DPY19L4: variants seen among roughly 807,000 people sequenced by gnomAD.
The protein encoded by DPY19L4 is probable C-mannosyltransferase DPY19L4.
Under a neutral mutation model 102.8 loss-of-function variants are expected in DPY19L4, and 97 were observed. The observed-to-expected ratio is 0.94, with a 90% confidence interval of 0.80 to 1.12. The LOEUF is 1.12. Among genes scored for constraint, DPY19L4 ranks in the 50% most tolerant of loss-of-function variants. The probability of loss-of-function intolerance (pLI) is 0.00; values close to 1 mark genes in which losing one functional copy is unlikely to be tolerated. For missense variants in DPY19L4, 815 were observed against 850.4 expected (o/e 0.96, Z 0.52); for synonymous variants, 252 against 283.1 (o/e 0.89, Z 1.10).
chr8:94,726,367 A>T lies in DPY19L4; in HGVS notation c.53A>T (p.Lys18Met). The T allele has an allele frequency of 6.2e-7, 1 of 1,612,030 alleles. No homozygotes were observed. ...PVELRQRKKPKSSENKESAKE... is the reference protein window; with the variant it reads ...PVELRQRKKPMSSENKESAKE... ...GAGCTGCGCCAAAGAAAAAAGCCAA[A>T]GTCTTCAGAAAATAAGGAATCTGCC... The change falls in exon 2 of 19, where the codon AAG (lysine) becomes ATG (methionine). Residue 18 changes from lysine (K) to methionine (M), a missense_variant. Transcript: ENST00000414645.
intron 17 of DPY19L4, among the ~76,000 whole-genome samples, chr8:94,787,639 A>G (rs73697033): frequency 0.034 from 5,237 of 152,212 alleles, 300 homozygotes; most frequent in African/African-American, 0.12. Context: ...TTATTATCTA[A>G]TAAGATCCAG....
At chr8:94,748,653 TGAC>T (rs1434810493) in intron 6 of DPY19L4, among the ~76,000 whole-genome samples, 1 of 152,100 alleles carries the variant, frequency 6.6e-6, no homozygotes, top group African/African-American at 2.4e-5. Context: ...ATGATGATGA[TGAC>T]AACTGCAGAT....
chr8:94,788,216 A>AT lies in DPY19L4; in HGVS notation c.2007+170dup, dbSNP rs201726947. Among the ~76,000 whole-genome samples the AT allele has an allele frequency of 8.5e-3, 1,291 of 151,914 alleles. 15 individuals are homozygous for AT. The highest frequency in any genetic ancestry group is 0.03 in the African/African-American group (1,224 of 41,466). ...AAGCTTCTTAAAAGTAGTTTGGAGTATTTTTTCAACATACAAAAGAAAATC... is the reference window on the plus strand; with the variant it reads ...AAGCTTCTTAAAAGTAGTTTGGAGTATTTTTTTCAACATACAAAAGAAAATC... On this transcript the variant is annotated intron_variant, in intron 18 of 18. Coordinates refer to ENST00000414645, the MANE Select transcript of DPY19L4 (RefSeq NM_181787.3).
intron 1 of DPY19L4, among the ~76,000 whole-genome samples, chr8:94,722,147 C>T (rs1810490153): frequency 6.7e-6 from 1 of 149,100 alleles, no homozygotes. Flanking sequence ...GTGGCTCACG[C>T]CTGTAATCCT....
At position 94,765,327 on chromosome 8, in the gene DPY19L4, A is replaced by G. The variant is rs7834433; in HGVS notation, c.1002+13A>G. The G allele has an allele frequency of 0.039, 61,367 of 1,584,248 alleles. 1,408 individuals carry two copies. Among genetic ancestry groups the G allele is most frequent in the African/African-American group, 0.067 (4,875 of 72,494 alleles). On this transcript the variant is annotated intron_variant, in intron 9 of 18. Transcript: ENST00000414645. ...TAAGTGCCTTCAGGTAACTAGAATT[A>G]TCTTTTTATTGTTCTTATTTTGATT...
At chr8:94,765,930 TAAAC>T (rs893677133) in intron 10 of DPY19L4, 121 bp downstream of exon 10, 18 of 606,894 alleles carry the variant, frequency 3.0e-5, no homozygotes, top group Non-Finnish European at 4.7e-5. Flanking sequence ...AATTTTGAGT[TAAAC>T]AACAATCATA....
intron 6 of DPY19L4, among the ~76,000 whole-genome samples, chr8:94,754,499 C>G (rs1050507536): frequency 4.6e-5 from 7 of 152,050 alleles, no homozygotes; most frequent in Non-Finnish European, 1.0e-4. Flanking sequence ...ACTCTGATAC[C>G]AGTATTCAGG....
intron 18 of DPY19L4, among the ~76,000 whole-genome samples, chr8:94,789,300 T>A (rs149862651): frequency 9.7e-4 from 148 of 152,324 alleles, no homozygotes; most frequent in Non-Finnish European, 1.7e-3. Flanking sequence ...CTAAGCTATC[T>A]TAGTGAACAT....
rs143206261 is a variant in DPY19L4, at chr8:94,759,335, C to T, written c.736-2365C>T. On this transcript the variant is annotated intron_variant, in intron 7 of 18. Coordinates refer to ENST00000414645, the MANE Select transcript of DPY19L4 (RefSeq NM_181787.3). ...CTGCTGATTGGTGCATTTTACAGAG[C>T]GCTGATTGGTGCATATTACAGAGCA... 7.9e-5 allele frequency among the ~76,000 whole-genome samples: 12 copies of T among 151,960 alleles called. No homozygotes were observed. The East Asian group carries it at 1.7e-3, about 22-fold the overall frequency.
intron 6 of DPY19L4, 151 bp from the exon 7 acceptor site, chr8:94,755,885 A>C: frequency 3.0e-6 from 1 of 328,672 alleles, no homozygotes; most frequent in Non-Finnish European, 4.9e-6. Context: ...ACTCCATCTC[A>C]AAAAAAAAAA....
chr8:94,741,783 G>A (rs1019426735), intron 6 of DPY19L4, among the ~76,000 whole-genome samples: 2 of 152,180 alleles, frequency 1.3e-5, no homozygotes, highest in African/African-American at 4.8e-5. Flanking sequence ...ATCTTTGAAA[G>A]CTTTCTTGTT....
At chr8:94,777,052 A>G (rs1182116906) in intron 13 of DPY19L4, among the ~76,000 whole-genome samples, 2 of 150,696 alleles carry the variant, frequency 1.3e-5, no homozygotes, top group East Asian at 1.9e-4. Flanking sequence ...GGCATTGTCT[A>G]TCTTAGAGTT....
intron 6 of DPY19L4, among the ~76,000 whole-genome samples, chr8:94,749,915 CAA>C (rs1385165662): frequency 6.6e-6 from 1 of 152,166 alleles, no homozygotes; most frequent in African/African-American, 2.4e-5. Flanking sequence ...TGAGCTTAAA[CAA>C]TGAAATCAAT....
At chr8:94,789,125 C>G (rs1813784418) in intron 18 of DPY19L4, among the ~76,000 whole-genome samples, 1 of 152,174 alleles carries the variant, frequency 6.6e-6, no homozygotes, top group South Asian at 2.1e-4. Flanking sequence ...CTATTCTGCT[C>G]TGATACCCAC....
At chr8:94,725,722 G>A (rs1251233024) in intron 1 of DPY19L4, among the ~76,000 whole-genome samples, 3 of 152,092 alleles carry the variant, frequency 2.0e-5, no homozygotes, top group Admixed American at 1.3e-4. Flanking sequence ...TGCAAGCTCC[G>A]CCTTCTGGGT....
In DPY19L4 at chr8:94,783,761, C is replaced by T. The variant is rs1336900627; in HGVS notation, c.1807C>T (p.Pro603Ser). Residue 603 changes from proline (P) to serine (S), a missense_variant, in exon 17 of 19, where the codon CCT becomes TCT. Coordinates refer to ENST00000414645, the MANE Select transcript of DPY19L4 (RefSeq NM_181787.3). ...CACTGGATGGATGGTGACAAGTTTGCCTCTTTACAATGATGATGATCTTCT... is the reference window on the plus strand; with the variant it reads ...CACTGGATGGATGGTGACAAGTTTGTCTCTTTACAATGATGATGATCTTCT... ...LCTGWMVTSL[P>S]LYNDDDLLKR... 5 of 1,614,022 alleles carry T rather than the reference C, an allele frequency of 3.1e-6. No homozygotes were observed. The highest frequency in any genetic ancestry group is 1.7e-5 in the Admixed American group (1 of 60,000).
rs1365255202 is a variant in DPY19L4, at chr8:94,734,663, T to C, written c.161T>C (p.Ile54Thr). ...VLFQRFAKIF[I>T]GCLAAVTSGM... ...TTTCAACGCTTTGCAAAGATTTTCA[T>C]TGGCTGTCTTGCAGCGGTTACTAGT... The change falls in exon 3 of 19, where the codon ATT becomes ACT. Residue 54 changes from isoleucine (I) to threonine (T), a missense_variant. By Grantham distance (89) the Ile-to-Thr change is moderately conservative. Transcript: ENST00000414645. 6.2e-7 allele frequency: 1 copy of C among 1,613,926 alleles called. No homozygotes were observed. Among genetic ancestry groups the C allele is most frequent in the Non-Finnish European group, 8.5e-7 (1 of 1,179,976 alleles).
chr8:94,744,316 AT>A (rs1332981973), intron 6 of DPY19L4: 5 of 455,876 alleles, frequency 1.1e-5, no homozygotes, highest in South Asian at 6.2e-5. Context: ...GGAGGCCTTA[AT>A]TTCTTACATA....
At chr8:94,749,735 C>G (rs1450751255) in intron 6 of DPY19L4, among the ~76,000 whole-genome samples, 1 of 152,160 alleles carries the variant, frequency 6.6e-6, no homozygotes, top group Admixed American at 6.5e-5. Context: ...TATACACATA[C>G]AAACATTTAA....
Sources: allele counts gnomAD v4.1 joint callset (sites outside exome capture counted in the v4.1 genomes callset), GRCh38; gene constraint gnomAD v4.1.1; transcripts MANE v1.5; gene names NCBI Gene and HGNC (gene_info 2026-07-23, HGNC 2026-07-21).